The following TMEM232 variants were observed in gnomAD, a reference collection of about 807,000 sequenced individuals.
TMEM232 encodes the protein transmembrane protein 232.
In TMEM232, 80 loss-of-function variants were observed where a neutral mutation model predicts 78.8. The ratio of observed to expected loss-of-function variants is 1.01; its 90% CI spans 0.85 to 1.22. TMEM232 has a LOEUF of 1.22. TMEM232 is among the 50% of genes most tolerant of loss of function. The pLI, the probability that TMEM232 is intolerant of heterozygous loss-of-function variation, is 0.00. For synonymous variants in TMEM232, 297 were observed against 254.3 expected, an observed-to-expected ratio of 1.17 and a Z score of -1.60; for missense variants, 881 against 742.2, an observed-to-expected ratio of 1.19 and a Z score of -2.17.
intron 1 of TMEM232, among the ~76,000 whole-genome samples, chr5:110,735,745 A>G (rs964137059): frequency 3.3e-5 from 5 of 152,172 alleles, no homozygotes; most frequent in Non-Finnish European, 7.3e-5. Flanking sequence ...CCCAGCTGTT[A>G]AGTCATAAGG....
At chr5:110,577,189 A>G (rs1166309916) in intron 10 of TMEM232, among the ~76,000 whole-genome samples, 1 of 152,002 alleles carries the variant, frequency 6.6e-6, no homozygotes, top group African/African-American at 2.4e-5. Context: ...ACAAGAAAAA[A>G]AATCCCATAA....
chr5:110,517,555 G>C (rs1407644971), intron 12 of TMEM232, among the ~76,000 whole-genome samples: 1 of 152,152 alleles, frequency 6.6e-6, no homozygotes, highest in Non-Finnish European at 1.5e-5. Flanking sequence ...GTTTTACCCA[G>C]AGATTAGCCC....
intron 1 of TMEM232, among the ~76,000 whole-genome samples, chr5:110,722,983 T>C (rs942980212): frequency 6.6e-6 from 1 of 152,200 alleles, no homozygotes; most frequent in Admixed American, 6.5e-5. Context: ...TCTTATAATG[T>C]CCTTGTCTTA....
chr5:110,733,492 C>T (rs145938609), intron 2 of TMEM232, among the ~76,000 whole-genome samples: 252 of 152,294 alleles, frequency 1.7e-3, no homozygotes, highest in African/African-American at 5.8e-3. Context: ...CCATGGAATA[C>T]TATGCAGCCA....
At chr5:110,474,529 T>C (rs1763034217) in intron 12 of TMEM232, among the ~76,000 whole-genome samples, 1 of 151,944 alleles carries the variant, frequency 6.6e-6, no homozygotes, top group African/African-American at 2.4e-5. Context: ...TGATCACTTC[T>C]ATCTAACTAT....
chr5:110,509,068 A>C lies in TMEM232; in HGVS notation c.1703+19520T>G, dbSNP rs143763847. ...TATGTGTATATATGTATATATAATTATATATATTTTGCATATATATGTATA... is the reference window on the plus strand; with the variant it reads ...TATGTGTATATATGTATATATAATTCTATATATTTTGCATATATATGTATA... On this transcript the variant is annotated intron_variant, in intron 12 of 13. Coordinates refer to ENST00000455884, the MANE Select transcript of TMEM232 (RefSeq NM_001039763.4). Among the ~76,000 whole-genome samples the C allele has an allele frequency of 2.1e-4, 31 of 147,106 alleles. No homozygotes were observed. In the East Asian group the frequency reaches 5.9e-3, roughly 28 times the overall value.
chr5:110,409,242 C>T (rs1755902411), intron 2 of TMEM232, among the ~76,000 whole-genome samples: 1 of 152,166 alleles, frequency 6.6e-6, no homozygotes, highest in Admixed American at 6.5e-5. Context: ...TGCACACAAA[C>T]TCTTTTTTCA....
rs1319901459 is a variant in TMEM232 at position 110,618,541 on chromosome 5, G to C, written c.790C>G (p.Leu264Val). 13 of 1,548,990 alleles carry C rather than the reference G, an allele frequency of 8.4e-6. No individual in the cohort carries two copies. The highest frequency in any genetic ancestry group is 1.1e-5 in the Non-Finnish European group (13 of 1,146,228). ...CAAGCAGCAACACAGTGCCAGAGCA[G>C]GTGGTTAATTTCATATCCTCCCTGA... Reference protein sequence around the residue: ...SDMGGYEINHLLWHCVAAWSC... With the variant: ...SDMGGYEINHVLWHCVAAWSC... Residue 264 changes from leucine (L) to valine (V), a missense_variant, in exon 8 of 14, where the codon CTG (leucine) becomes GTG (valine). Transcript: ENST00000455884.
intron 8 of TMEM232, among the ~76,000 whole-genome samples, chr5:110,607,364 G>A (rs941861187): frequency 6.6e-6 from 1 of 151,608 alleles, no homozygotes; most frequent in African/African-American, 2.4e-5. Context: ...TTGCAATTCT[G>A]CTTTTCTAAA....
intron 11 of TMEM232, among the ~76,000 whole-genome samples, chr5:110,545,346 T>G (rs931323887): frequency 6.6e-6 from 1 of 152,032 alleles, no homozygotes; most frequent in African/African-American, 2.4e-5. Context: ...ATTATATATA[T>G]GTATATAACA....
chr5:110,629,936 G>A (rs1784909400), intron 5 of TMEM232, among the ~76,000 whole-genome samples: 1 of 152,168 alleles, frequency 6.6e-6, no homozygotes, highest in South Asian at 2.1e-4. Context: ...GGGATCATAT[G>A]TTTCTGGATC....
chr5:110,427,617 GGAAAAA>G, intron 12 of TMEM232, among the ~76,000 whole-genome samples: 4 of 151,758 alleles, frequency 2.6e-5, no homozygotes, highest in African/African-American at 9.7e-5. Context: ...TAGTTCTGGA[GGAAAAA>G]AAATTCTAAA....
chr5:110,654,807 G>A (rs1226293796), intron 2 of TMEM232, among the ~76,000 whole-genome samples: 1 of 152,072 alleles, frequency 6.6e-6, no homozygotes, highest in Non-Finnish European at 1.5e-5. Context: ...ATTTGTTTGT[G>A]TCCTCTTTCA....
chr5:110,459,400 A>T (rs1323540834), intron 12 of TMEM232, among the ~76,000 whole-genome samples: 1 of 152,192 alleles, frequency 6.6e-6, no homozygotes, highest in Admixed American at 6.5e-5. Flanking sequence ...ACAAAATAAA[A>T]GGTTTTTTAA....
At chr5:110,651,833 C>T (rs538462729) in intron 2 of TMEM232, among the ~76,000 whole-genome samples, 1 of 151,938 alleles carries the variant, frequency 6.6e-6, no homozygotes, top group African/African-American at 2.4e-5. Flanking sequence ...TTACAAAGGG[C>T]CAGAAACTCA....
At chr5:110,676,401 C>CTT (rs369628739) in intron 1 of TMEM232, among the ~76,000 whole-genome samples, 42 of 141,854 alleles carry the variant, frequency 3.0e-4, no homozygotes, top group African/African-American at 1.0e-3. Context: ...GTTCCCTTTT[C>CTT]TTTTTTTTTT....
intron 2 of TMEM232, among the ~76,000 whole-genome samples, chr5:110,655,235 AG>A (rs1331389483): frequency 1.3e-5 from 2 of 152,070 alleles, no homozygotes; most frequent in Non-Finnish European, 1.5e-5. Flanking sequence ...CCCATCAAAA[AG>A]TGGGCAAAGG....
chr5:110,569,279 T>C (rs2149686451), intron 10 of TMEM232, among the ~76,000 whole-genome samples: 1 of 152,064 alleles, frequency 6.6e-6, no homozygotes, highest in South Asian at 2.1e-4. Flanking sequence ...ACTTTCAAAA[T>C]ATGTATTTTC....
At chr5:110,557,995 G>A (rs946236882) in intron 11 of TMEM232, among the ~76,000 whole-genome samples, 3 of 152,254 alleles carry the variant, frequency 2.0e-5, no homozygotes, top group South Asian at 2.1e-4. Flanking sequence ...TTCCTTGAAG[G>A]TTTAACTGTG....
Sources: allele counts gnomAD v4.1 joint callset (sites outside exome capture counted in the v4.1 genomes callset), GRCh38; gene constraint gnomAD v4.1.1; transcripts MANE v1.5; gene names NCBI Gene and HGNC (gene_info 2026-07-23, HGNC 2026-07-21).